MIER3: variants seen among roughly 807,000 people sequenced by gnomAD.
MIER3 encodes MIER family member 3.
A neutral mutation model predicts 63.2 loss-of-function variants in MIER3; 9 were observed. The ratio of observed to expected loss-of-function variants is 0.14; its 90% CI spans 0.09 to 0.25. The LOEUF (loss-of-function observed/expected upper bound fraction) is 0.25, where lower values mean the gene tolerates loss of function less well. Ranked by LOEUF, MIER3 falls within the 10% of genes least tolerant of loss-of-function variation. The pLI is 1.00. For missense variants in MIER3, 512 were observed against 666.2 expected, an observed-to-expected ratio of 0.77 and a Z score of 2.55; for synonymous variants, 205 against 224.9, an observed-to-expected ratio of 0.91 and a Z score of 0.79.
intron 9 of MIER3, chr5:56,929,131 A>C: frequency 3.5e-6 from 1 of 286,544 alleles, no homozygotes; most frequent in Middle Eastern, 1.0e-3. Context: ...ACATTATGGG[A>C]TGAGAATTTA....
intron 3 of MIER3, among the ~76,000 whole-genome samples, chr5:56,943,880 TG>T (rs1182196578): frequency 6.6e-6 from 1 of 152,234 alleles, no homozygotes; most frequent in Non-Finnish European, 1.5e-5. Context: ...TTGGGTATTT[TG>T]TTGAACCTAT....
rs1318916732 is a variant in MIER3, at chr5:56,939,746, T to C, written c.181-729A>G. ...CGCCATGCCTCACAGTGACACCAAG[T>C]CACTGTTCCCCTCTAGGAATCCATG... On this transcript the variant is annotated intron_variant, in intron 3 of 12. Coordinates refer to ENST00000381199, the MANE Select transcript of MIER3 (RefSeq NM_001297599.2). Among the ~76,000 whole-genome samples, 3 of 152,188 alleles carry C rather than the reference T, an allele frequency of 2.0e-5. No individual in the cohort carries two copies. The East Asian group carries it at 5.8e-4, about 29-fold the overall frequency.
intron 3 of MIER3, among the ~76,000 whole-genome samples, chr5:56,943,270 C>T (rs1481214643): frequency 6.6e-6 from 1 of 150,598 alleles, no homozygotes; most frequent in African/African-American, 2.4e-5. Flanking sequence ...GAGGGCAACA[C>T]AAGATCAAAA....
chr5:56,948,119 A>G (rs1170752679), intron 2 of MIER3, among the ~76,000 whole-genome samples: 2 of 152,220 alleles, frequency 1.3e-5, no homozygotes, highest in Non-Finnish European at 2.9e-5. Flanking sequence ...AATATTTTAA[A>G]ATTTCAAACA....
At chr5:56,942,968 C>T in intron 3 of MIER3, among the ~76,000 whole-genome samples, 1 of 152,018 alleles carries the variant, frequency 6.6e-6, no homozygotes, top group East Asian at 1.9e-4. Flanking sequence ...TGCAAGACCC[C>T]TTCTCTATAA....
chr5:56,952,061 GC>G, intron 1 of MIER3, 32 bp downstream of exon 1: 1 of 1,286,428 alleles, frequency 7.8e-7, no homozygotes, highest in South Asian at 1.8e-5. Flanking sequence ...GCCCGCTCCA[GC>G]CCGGCTGCTC....
At chr5:56,948,307 T>C (rs964486116) in intron 2 of MIER3, among the ~76,000 whole-genome samples, 1 of 152,244 alleles carries the variant, frequency 6.6e-6, no homozygotes, top group Non-Finnish European at 1.5e-5. Context: ...TTATGTTATC[T>C]TCCTTAATGT....
chr5:56,928,251 A>G (rs1750095909), intron 10 of MIER3: 1 of 152,300 alleles, frequency 6.6e-6, no homozygotes, highest in African/African-American at 2.4e-5. Context: ...CGGTAAGAGT[A>G]TGGTTGGTAT....
rs544846776 is a variant in MIER3 at position 56,951,138 on chromosome 5, C to T, written c.10-486G>A. Among the ~76,000 whole-genome samples the T allele has an allele frequency of 8.5e-5, 13 of 152,312 alleles. No homozygotes were observed. In the East Asian group the frequency reaches 2.5e-3, roughly 30 times the overall value. On this transcript the variant is annotated intron_variant, in intron 1 of 12. Transcript: ENST00000381199. The stretch of plus-strand genomic sequence containing the variant: ...CCAACTCCGAAGCCGATCTCTTCCC[C>T]TGCAGCGTAGGCCAGCTCGAATCGG...
chr5:56,938,525 G>A (rs1174758143), intron 4 of MIER3, among the ~76,000 whole-genome samples: 2 of 152,172 alleles, frequency 1.3e-5, no homozygotes, highest in Non-Finnish European at 2.9e-5. Context: ...ACCACTCCAC[G>A]CCTAAGCCAG....
chr5:56,951,048 T>TA (rs1751007544), intron 1 of MIER3, among the ~76,000 whole-genome samples: 1 of 152,062 alleles, frequency 6.6e-6, no homozygotes, highest in African/African-American at 2.4e-5. Context: ...ACTCGAAACG[T>TA]AACACCCTTT....
In MIER3 at chr5:56,950,661, G is replaced by A; in HGVS notation, c.10-9C>T. ...GAACTTCCAAAAGAAGCCTAGGAGA[G>A]AGAGAAGAAAACGTGAGGTTAGATC... On this transcript the variant is annotated splice_polypyrimidine_tract_variant and intron_variant, in intron 1 of 12. Transcript: ENST00000381199. 1 of 1,613,462 alleles carries A rather than the reference G, an allele frequency of 6.2e-7. No individual in the cohort carries two copies. The highest frequency in any genetic ancestry group is 2.2e-5 in the East Asian group (1 of 44,856).
intron 3 of MIER3, among the ~76,000 whole-genome samples, chr5:56,946,330 C>T (rs1383123974): frequency 6.6e-6 from 1 of 152,100 alleles, no homozygotes; most frequent in Non-Finnish European, 1.5e-5. Flanking sequence ...TATATACAGT[C>T]CTGGTATAAA....
chr5:56,947,248 T>A, intron 2 of MIER3, 177 bp from the exon 3 acceptor site: 2 of 585,746 alleles, frequency 3.4e-6, no homozygotes, highest in Non-Finnish European at 5.4e-6. Context: ...AAAATATGTC[T>A]AAATCAGCAA....
At chr5:56,944,199 C>T (rs544935544) in intron 3 of MIER3, among the ~76,000 whole-genome samples, 14 of 152,188 alleles carry the variant, frequency 9.2e-5, no homozygotes, top group African/African-American at 2.9e-4. Flanking sequence ...AGGCTGGGCG[C>T]GGTGGCTCAC....
rs1208164152 is a variant in MIER3 at position 56,921,743 on chromosome 5, T to C, written c.*1385A>G. The C allele has an allele frequency of 1.3e-5, 2 of 152,636 alleles. No homozygotes were observed. The highest frequency in any genetic ancestry group is 1.3e-4 in the Admixed American group (2 of 15,274). The allele number at this position is 152,636 out of a possible 1,614,324, so 9.5% of individuals were successfully genotyped here. A position where few individuals can be genotyped will look rare whatever the true frequency, so the allele number is the denominator to read the frequency against. ...AAACATTTGTTTTTTGCAAAGCAAC[T>C]AGTAAAAATCAAGAATTTTAATTAA... On this transcript the variant is annotated 3_prime_UTR_variant, in exon 13 of 13. Transcript: ENST00000381199.
rs114488115 is a variant in MIER3, at chr5:56,937,940, G to A, written c.316-242C>T. Among the ~76,000 whole-genome samples the A allele has an allele frequency of 8.5e-3, 1,285 of 151,640 alleles. 12 individuals are homozygous for A. Among genetic ancestry groups the A allele is most frequent in the Non-Finnish European group, 0.014 (962 of 67,886 alleles). On this transcript the variant is annotated intron_variant, in intron 4 of 12. Transcript: ENST00000381199. ...TACTAAAACAATTGCCTAATTTGTG[G>A]GTATGCAGAGAGCTTATCTAAAGCT...
At chr5:56,935,529 C>T in intron 6 of MIER3, 29 bp from the exon 7 acceptor site, 1 of 1,548,830 alleles carries the variant, frequency 6.5e-7, no homozygotes, top group Middle Eastern at 1.8e-4. Flanking sequence ...GTAAAAATAA[C>T]TTATTAAAAA....
Position 56,937,575 on chromosome 5 carries a change from T to C in MIER3, c.436+3A>G. 2 of 1,596,908 alleles carry C rather than the reference T, an allele frequency of 1.3e-6. No homozygotes were observed. The highest frequency in any genetic ancestry group is 8.5e-7 in the Non-Finnish European group (1 of 1,170,872). On this transcript the variant is annotated splice_donor_region_variant and intron_variant, in intron 5 of 12. Coordinates refer to ENST00000381199, the MANE Select transcript of MIER3 (RefSeq NM_001297599.2). ...TTTATCAGTAATCCACTGGGTTTCT[T>C]ACATCGTAAAGGCCTAGGGAAGAAA...
Sources: gnomAD v4.1 joint callset for allele counts (sites outside exome capture counted in the v4.1 genomes callset) on GRCh38, gnomAD v4.1.1 for gene constraint, MANE v1.5 for transcripts, NCBI Gene and HGNC (gene_info 2026-07-23, HGNC 2026-07-21) for gene names.